The following CREB3L2 variants were observed in gnomAD, a reference collection of about 807,000 sequenced individuals.
The protein encoded by CREB3L2 is cyclic AMP-responsive element-binding protein 3-like protein 2.
Under a neutral mutation model 57.2 loss-of-function variants are expected in CREB3L2, and 23 were observed. That is an observed-to-expected ratio of 0.40 (90% confidence interval 0.29 to 0.57). The LOEUF is 0.57. CREB3L2 is among the 20% of genes least tolerant of loss of function. The pLI is 0.42. For missense variants in CREB3L2, 628 were observed against 634.7 expected, an observed-to-expected ratio of 0.99 and a Z score of 0.11; for synonymous variants, 268 against 265.1, an observed-to-expected ratio of 1.01 and a Z score of -0.11.
intron 8 of CREB3L2, among the ~76,000 whole-genome samples, chr7:137,891,906 A>G (rs1799534862): frequency 6.6e-6 from 1 of 152,082 alleles, no homozygotes; most frequent in African/African-American, 2.4e-5. Flanking sequence ...ATCTTACAAC[A>G]CATCTTAGAA....
At chr7:137,921,467 A>C (rs540654157) in intron 2 of CREB3L2, among the ~76,000 whole-genome samples, 1 of 152,266 alleles carries the variant, frequency 6.6e-6, no homozygotes, top group African/African-American at 2.4e-5. Context: ...ATGCCAAGTT[A>C]TCAAATCATC....
At chr7:137,987,302 G>A (rs1563274561) in intron 1 of CREB3L2, among the ~76,000 whole-genome samples, 2 of 152,196 alleles carry the variant, frequency 1.3e-5, no homozygotes, top group Non-Finnish European at 2.9e-5. Flanking sequence ...TGGAAAGAGG[G>A]AGGGAAATGC....
chr7:137,909,704 G>A (rs1799965576), intron 4 of CREB3L2, among the ~76,000 whole-genome samples: 1 of 152,102 alleles, frequency 6.6e-6, no homozygotes. Flanking sequence ...GATGGGAAGG[G>A]CTCTCCTGAG....
intron 1 of CREB3L2, among the ~76,000 whole-genome samples, chr7:137,978,503 G>A (rs1290603246): frequency 6.6e-6 from 1 of 152,128 alleles, no homozygotes; most frequent in African/African-American, 2.4e-5. Flanking sequence ...CCTGACTCCT[G>A]AGCTCAAATC....
chr7:137,960,130 G>A (rs1801294473), intron 1 of CREB3L2, among the ~76,000 whole-genome samples: 1 of 152,122 alleles, frequency 6.6e-6, no homozygotes, highest in South Asian at 2.1e-4. Flanking sequence ...CAACCCATTA[G>A]ATAAGTAATA....
At chr7:137,999,995 G>A (rs1008473779) in intron 1 of CREB3L2, among the ~76,000 whole-genome samples, 1 of 152,216 alleles carries the variant, frequency 6.6e-6, no homozygotes, top group Non-Finnish European at 1.5e-5. Context: ...TCTTCCCAGA[G>A]TGAATGCCAC....
In CREB3L2 at chr7:137,879,645, C is replaced by T. The variant is rs991569429; in HGVS notation, c.*831G>A. 3.3e-5 allele frequency: 8 copies of T among 241,916 alleles called. No individual in the cohort carries two copies. The highest frequency in any genetic ancestry group is 1.5e-4 in the South Asian group (1 of 6,562). The allele number at this position is 241,916 out of a possible 1,614,324, so 15.0% of individuals were successfully genotyped here. On this transcript the variant is annotated 3_prime_UTR_variant, in exon 12 of 12. Coordinates refer to ENST00000330387, the MANE Select transcript of CREB3L2 (RefSeq NM_194071.4). ...GGGATCCCAGAGCCTAGGGTGCCCT[C>T]CTAGCTCTGAAGGCTCGCAGAAAAC...
At chr7:137,884,085 A>G (rs1339366045) in intron 10 of CREB3L2, among the ~76,000 whole-genome samples, 2 of 152,150 alleles carry the variant, frequency 1.3e-5, no homozygotes, top group Non-Finnish European at 2.9e-5. Context: ...GGCTCACTGC[A>G]ACCTCCGCCT....
intron 1 of CREB3L2, among the ~76,000 whole-genome samples, chr7:137,965,929 A>G (rs1801400224): frequency 6.6e-6 from 1 of 152,200 alleles, no homozygotes; most frequent in African/African-American, 2.4e-5. Flanking sequence ...TTAAAACACA[A>G]TGGGTGCATC....
At chr7:137,913,506 CAAAA>C (rs33940093) in intron 3 of CREB3L2, among the ~76,000 whole-genome samples, 1 of 108,734 alleles carries the variant, frequency 9.2e-6, no homozygotes. Flanking sequence ...GACCCTATCT[CAAAA>C]AAAAAAAAAA....
At chr7:137,985,162 G>A (rs1801771005) in intron 1 of CREB3L2, among the ~76,000 whole-genome samples, 1 of 152,194 alleles carries the variant, frequency 6.6e-6, no homozygotes, top group South Asian at 2.1e-4. Flanking sequence ...TGGAAAGGGG[G>A]AAGGGGGCCC....
chr7:137,923,587 C>T lies in CREB3L2; in HGVS notation c.319+4563G>A, dbSNP rs889215878. On this transcript the variant is annotated intron_variant, in intron 2 of 11. Transcript: ENST00000330387. The stretch of plus-strand genomic sequence containing the variant: ...CTCACGCTATATGTGATGAAGACAC[C>T]GTTATGCACCTCATTTCTGTGATTT... Among the ~76,000 whole-genome samples the T allele has an allele frequency of 5.9e-5, 9 of 152,146 alleles. No individual in the cohort carries two copies. In the East Asian group the frequency reaches 1.2e-3, roughly 20 times the overall value.
intron 1 of CREB3L2, among the ~76,000 whole-genome samples, chr7:137,942,011 T>C (rs926093964): frequency 6.6e-6 from 1 of 152,204 alleles, no homozygotes; most frequent in African/African-American, 2.4e-5. Context: ...CATCAATTCA[T>C]AATTGATTGA....
intron 2 of CREB3L2, among the ~76,000 whole-genome samples, chr7:137,923,887 C>T (rs1189855536): frequency 1.3e-5 from 2 of 152,168 alleles, no homozygotes; most frequent in African/African-American, 4.8e-5. Flanking sequence ...CATCTAAGCT[C>T]CAAAAAATGT....
rs113588578 is a variant in CREB3L2 at position 137,901,692 on chromosome 7, G to A, written c.975-270C>T. Reference sequence around the variant, plus strand: ...TCAGGAGATAGAGACCATCCTGGCCGACATGGTGAAACCCTGTCTCTACTA... The same window carrying A: ...TCAGGAGATAGAGACCATCCTGGCCAACATGGTGAAACCCTGTCTCTACTA... On this transcript the variant is annotated intron_variant, in intron 7 of 11. Coordinates refer to ENST00000330387, the MANE Select transcript of CREB3L2 (RefSeq NM_194071.4). 3.9e-3 allele frequency among the ~76,000 whole-genome samples: 598 copies of A among 151,434 alleles called. 4 individuals are homozygous for A. The highest frequency in any genetic ancestry group is 0.013 in the African/African-American group (545 of 41,306).
chr7:137,996,407 C>T (rs1030511125), intron 1 of CREB3L2, among the ~76,000 whole-genome samples: 3 of 152,234 alleles, frequency 2.0e-5, no homozygotes, highest in African/African-American at 7.2e-5. Context: ...CTTCCCAATT[C>T]TGTCTCCCGT....
chr7:137,975,966 C>G (rs1801601035), intron 1 of CREB3L2, among the ~76,000 whole-genome samples: 1 of 152,186 alleles, frequency 6.6e-6, no homozygotes, highest in African/African-American at 2.4e-5. Flanking sequence ...GGAGGCCGAG[C>G]CAGATGACCC....
chr7:137,993,053 A>C (rs1801928800), intron 1 of CREB3L2, among the ~76,000 whole-genome samples: 4 of 152,236 alleles, frequency 2.6e-5, no homozygotes. Context: ...TTTACAGCAC[A>C]ATGTAGGAGC....
At position 137,964,712 on chromosome 7, in the gene CREB3L2, T is replaced by C. The variant is rs1224256463; in HGVS notation, c.103-36346A>G. On this transcript the variant is annotated intron_variant, in intron 1 of 11. Transcript: ENST00000330387. ...ACCATTCTTTTCAAATTATAGAGAG[T>C]CATAATCCAGTAGTGATATGGTTTG... Among the ~76,000 whole-genome samples the C allele has an allele frequency of 3.3e-5, 5 of 152,320 alleles. No homozygotes were observed. The East Asian group carries it at 9.7e-4, about 29-fold the overall frequency.
Sources: gnomAD v4.1 joint callset for allele counts (sites outside exome capture counted in the v4.1 genomes callset) on GRCh38, gnomAD v4.1.1 for gene constraint, MANE v1.5 for transcripts, NCBI Gene and HGNC (gene_info 2026-07-23, HGNC 2026-07-21) for gene names.